The following CREB5 variants were observed in gnomAD, a reference collection of about 807,000 sequenced individuals.
The protein encoded by CREB5 is cyclic AMP-responsive element-binding protein 5.
In CREB5, 19 loss-of-function variants were observed where a neutral mutation model predicts 57.1. That is an observed-to-expected ratio of 0.33 (90% confidence interval 0.23 to 0.49). The LOEUF (loss-of-function observed/expected upper bound fraction) is 0.49. Ranked by LOEUF, CREB5 falls within the 20% of genes least tolerant of loss-of-function variation. The pLI is 0.99. For synonymous variants in CREB5, 238 were observed against 238.3 expected (o/e 1.00, Z 0.01); for missense variants, 579 against 671.6 (o/e 0.86, Z 1.52).
Position 28,440,913 on chromosome 7 carries a change from G to A in CREB5, c.3+27996G>A, listed in dbSNP as rs151276790. Among the ~76,000 whole-genome samples, 267 of 152,292 alleles carry A rather than the reference G, an allele frequency of 1.8e-3. 1 individual carries two copies. The highest frequency in any genetic ancestry group is 6.8e-3 in the Middle Eastern group (2 of 292). ...GGCCACGGCCATCAGAAGAGGGCAC[G>A]CTGAGGTTGGGTGCATTGGGATATA... is the stretch of plus-strand genomic sequence containing the variant. On this transcript the variant is annotated intron_variant, in intron 1 of 10. Coordinates refer to ENST00000357727, the MANE Select transcript of CREB5 (RefSeq NM_182898.4).
At chr7:28,601,986 CAT>C (rs1352574843) in intron 5 of CREB5, among the ~76,000 whole-genome samples, 4 of 151,998 alleles carry the variant, frequency 2.6e-5, no homozygotes, top group Non-Finnish European at 5.9e-5. Flanking sequence ...ACATGAAAGA[CAT>C]AAAGTGAATG....
At chr7:28,359,476 AGTCT>A (rs773312693) in intron 1 of CREB5, among the ~76,000 whole-genome samples, 2 of 152,230 alleles carry the variant, frequency 1.3e-5, no homozygotes, top group Non-Finnish European at 2.9e-5. Flanking sequence ...GGGAAAGGAC[AGTCT>A]GTTCAATAAA....
chr7:28,645,734 C>T (rs1798866027), intron 5 of CREB5, among the ~76,000 whole-genome samples: 1 of 152,156 alleles, frequency 6.6e-6, no homozygotes, highest in Non-Finnish European at 1.5e-5. Flanking sequence ...CCAGTGTATT[C>T]TTTAATTTTA....
At chr7:28,708,413 C>A (rs747856904) in intron 5 of CREB5, among the ~76,000 whole-genome samples, 20 of 152,042 alleles carry the variant, frequency 1.3e-4, no homozygotes, top group Non-Finnish European at 2.8e-4. Context: ...ATAATCCCAG[C>A]GAGTGGCTGG....
At position 28,821,487 on chromosome 7, in the gene CREB5, GAGAAAAAA is replaced by G. The variant is rs1809769202; in HGVS notation, c.*2217_*2224del. 6.7e-6 allele frequency: 1 copy of G among 148,836 alleles called. No homozygotes were observed. The highest frequency in any genetic ancestry group is 6.7e-5 in the Admixed American group (1 of 14,904). The allele number at this position is 148,836 out of a possible 1,614,324, so 9.2% of individuals were successfully genotyped here. A position where few individuals can be genotyped will look rare whatever the true frequency, so the allele number is the denominator to read the frequency against. On this transcript the variant is annotated 3_prime_UTR_variant, in exon 11 of 11. Transcript: ENST00000357727. The stretch of plus-strand genomic sequence containing the variant: ...AAAAAAAAAAAGCAAAAAAAGAAAA[GAGAAAAAA>G]AGAAAAAATGCAAATGGAATAATTT...
At chr7:28,681,893 C>T (rs1041069278) in intron 5 of CREB5, among the ~76,000 whole-genome samples, 47 of 152,190 alleles carry the variant, frequency 3.1e-4, no homozygotes, top group African/African-American at 1.1e-3. Context: ...CAATGACTTG[C>T]ACATTTTAAG....
chr7:28,816,405 T>G (rs1320468990), intron 9 of CREB5, among the ~76,000 whole-genome samples: 1 of 152,198 alleles, frequency 6.6e-6, no homozygotes, highest in Non-Finnish European at 1.5e-5. Context: ...TTTGCCTTCT[T>G]GTATGTTCTG....
At chr7:28,393,556 C>G (rs115493871) in intron 1 of CREB5, among the ~76,000 whole-genome samples, 13 of 152,334 alleles carry the variant, frequency 8.5e-5, no homozygotes, top group African/African-American at 2.9e-4. Flanking sequence ...TCTAGTCTGA[C>G]ATAAAAAGAG....
At chr7:28,419,325 G>A (rs1050010550) in intron 1 of CREB5, among the ~76,000 whole-genome samples, 1 of 152,180 alleles carries the variant, frequency 6.6e-6, no homozygotes, top group Non-Finnish European at 1.5e-5. Flanking sequence ...AGCCCTTGTC[G>A]TGCCAATGTA....
intron 4 of CREB5, among the ~76,000 whole-genome samples, chr7:28,556,830 A>C (rs1244652269): frequency 6.6e-6 from 1 of 152,162 alleles, no homozygotes; most frequent in Non-Finnish European, 1.5e-5. Flanking sequence ...TCCAGGAAGG[A>C]AGCAGGGAGA....
At chr7:28,552,018 T>A (rs749329392) in intron 4 of CREB5, among the ~76,000 whole-genome samples, 1 of 151,234 alleles carries the variant, frequency 6.6e-6, no homozygotes, top group Non-Finnish European at 1.5e-5. Context: ...CTCTTTTCTC[T>A]CTCTCTTTCT....
At chr7:28,405,610 GCTGT>G (rs1787562461) in intron 1 of CREB5, among the ~76,000 whole-genome samples, 1 of 152,072 alleles carries the variant, frequency 6.6e-6, no homozygotes, top group African/African-American at 2.4e-5. Context: ...AGACGCTCAG[GCTGT>G]CTATGTTGCC....
At chr7:28,557,484 T>TG (rs1491178298) in intron 4 of CREB5, among the ~76,000 whole-genome samples, 11 of 142,136 alleles carry the variant, frequency 7.7e-5, no homozygotes, top group Admixed American at 2.0e-4. Flanking sequence ...TGTGTGTGTG[T>TG]TTTTTTTAAT....
In CREB5 at chr7:28,560,903, C is replaced by CGCAT. The variant is rs1795164536; in HGVS notation, c.292-9460_292-9459insATGC. Among the ~76,000 whole-genome samples, 4 of 26,132 alleles carry CGCAT rather than the reference C, an allele frequency of 1.5e-4. 1 individual carries two copies. Among genetic ancestry groups the CGCAT allele is most frequent in the Non-Finnish European group, 2.4e-4 (3 of 12,524 alleles). The allele number at this position is 26,132 out of a possible 152,430, so 17.1% of individuals were successfully genotyped here. Reference sequence around the variant, plus strand: ...GCGTGCGTGCGTGTGTGTGCGTGCGCGCGTGCGTGTGCGTGTGTGCGCGTG... The same window carrying CGCAT: ...GCGTGCGTGCGTGTGTGTGCGTGCGCGCATGCGTGCGTGTGCGTGTGTGCGCGTG... On this transcript the variant is annotated intron_variant, in intron 4 of 10. Coordinates refer to ENST00000357727, the MANE Select transcript of CREB5 (RefSeq NM_182898.4).
At chr7:28,424,017 A>C (rs1477551113) in intron 1 of CREB5, among the ~76,000 whole-genome samples, 1 of 152,166 alleles carries the variant, frequency 6.6e-6, no homozygotes, top group Non-Finnish European at 1.5e-5. Context: ...AGGTATTGGC[A>C]GGGTTGGTTC....
intron 4 of CREB5, among the ~76,000 whole-genome samples, chr7:28,549,879 G>A (rs1794557839): frequency 6.6e-6 from 1 of 152,120 alleles, no homozygotes; most frequent in African/African-American, 2.4e-5. Context: ...CCCTTTGTGA[G>A]CCAGCAGATG....
At chr7:28,784,446 C>T (rs778487976) in intron 7 of CREB5, among the ~76,000 whole-genome samples, 3 of 152,062 alleles carry the variant, frequency 2.0e-5, no homozygotes, top group Non-Finnish European at 2.9e-5. Context: ...GCCACTCTAA[C>T]CCTTTCTCGG....
intron 1 of CREB5, among the ~76,000 whole-genome samples, chr7:28,392,070 G>C (rs771632473): frequency 6.6e-6 from 1 of 152,146 alleles, no homozygotes; most frequent in African/African-American, 2.4e-5. Flanking sequence ...GAAGCTAAAT[G>C]GTGAGAACAC....
intron 5 of CREB5, among the ~76,000 whole-genome samples, chr7:28,699,054 T>C (rs559865333): frequency 3.3e-5 from 5 of 152,168 alleles, no homozygotes; most frequent in Non-Finnish European, 5.9e-5. Flanking sequence ...TGGGAAGCCA[T>C]GGGCTGGGCC....
Sources: allele counts gnomAD v4.1 joint callset (sites outside exome capture counted in the v4.1 genomes callset), GRCh38; gene constraint gnomAD v4.1.1; transcripts MANE v1.5; gene names NCBI Gene and HGNC (gene_info 2026-07-23, HGNC 2026-07-21).